SLC12A2: variants seen among roughly 807,000 people sequenced by gnomAD.
SLC12A2 encodes solute carrier family 12 member 2.
Under a neutral mutation model 136.3 loss-of-function variants are expected in SLC12A2, and 67 were observed. The observed-to-expected ratio is 0.49, with a 90% CI of 0.40 to 0.60. The LOEUF (loss-of-function observed/expected upper bound fraction) is 0.60, where lower values mean the gene tolerates loss of function less well. Among genes scored for constraint, SLC12A2 ranks in the 20% least tolerant of loss-of-function variants. SLC12A2 has a pLI of 0.00. For missense variants in SLC12A2, 1,322 were observed against 1,534.7 expected, an observed-to-expected ratio of 0.86 and a Z score of 2.32; for synonymous variants, 619 against 562.9, an observed-to-expected ratio of 1.10 and a Z score of -1.41.
chr5:128,155,649 T>C (rs373904484), intron 15 of SLC12A2, among the ~76,000 whole-genome samples: 4 of 152,310 alleles, frequency 2.6e-5, no homozygotes, highest in Admixed American at 6.5e-5. Context: ...TCTTACTGTT[T>C]ACTGTTTCTT....
chr5:128,137,494 C>T (rs964671243), intron 7 of SLC12A2, among the ~76,000 whole-genome samples: 1 of 152,174 alleles, frequency 6.6e-6, no homozygotes, highest in Non-Finnish European at 1.5e-5. Context: ...TCACAAATCC[C>T]TGTTTCCATC....
rs1762005789 is a variant in SLC12A2, at chr5:128,131,126, C to T, written c.1108C>T (p.Leu370=). 1.2e-6 allele frequency: 2 copies of T among 1,614,012 alleles called. No homozygotes were observed. Among genetic ancestry groups the T allele is most frequent in the Non-Finnish European group, 1.7e-6 (2 of 1,179,912 alleles). The change falls in exon 5 of 27, where the codon CTA becomes TTA. Residue 370 remains leucine, a synonymous_variant. Transcript: ENST00000262461. The part of the protein sequence containing the change: ...LGPEFGGAIG[L]IFAFANAVAV... ...GCCAGAATTTGGTGGTGCAATTGGT[C>T]TAATCTTCGCCTTTGCCAACGCTGT...
intron 1 of SLC12A2, among the ~76,000 whole-genome samples, chr5:128,089,836 TTG>T (rs1391533727): frequency 5.3e-5 from 8 of 152,320 alleles, no homozygotes; most frequent in African/African-American, 1.9e-4. Context: ...GTGGGCTGTG[TTG>T]ATGCCTAGTC....
intron 1 of SLC12A2, among the ~76,000 whole-genome samples, chr5:128,094,808 G>C (rs998315758): frequency 4.6e-5 from 7 of 151,914 alleles, no homozygotes; most frequent in African/African-American, 1.7e-4. Context: ...CCAGTAACTC[G>C]TAACTTGTGG....
intron 19 of SLC12A2, among the ~76,000 whole-genome samples, chr5:128,173,137 C>T (rs1218332719): frequency 1.3e-5 from 2 of 152,156 alleles, no homozygotes; most frequent in African/African-American, 4.8e-5. Flanking sequence ...TAAGAGGTAT[C>T]TGCTTCTGTA....
intron 16 of SLC12A2, among the ~76,000 whole-genome samples, chr5:128,158,764 T>C (rs1180333789): frequency 6.6e-6 from 1 of 152,168 alleles, no homozygotes; most frequent in Non-Finnish European, 1.5e-5. Context: ...TTTGAGTTCT[T>C]TGAGAAGGCC....
chr5:128,117,324 G>C (rs1449722310), intron 4 of SLC12A2, among the ~76,000 whole-genome samples: 2 of 152,104 alleles, frequency 1.3e-5, no homozygotes, highest in Non-Finnish European at 2.9e-5. Flanking sequence ...TGATTTGGAT[G>C]AAAATATATG....
In SLC12A2 at chr5:128,084,077, G is replaced by A; in HGVS notation, c.123G>A (p.Ser41=). Residue 41 remains serine (S), a synonymous_variant, in exon 1 of 27, where the codon TCG becomes TCA. Coordinates refer to ENST00000262461, the MANE Select transcript of SLC12A2 (RefSeq NM_001046.3). This position sits in a 1 kb window ranked among gnomAD's most constrained non-coding sequence, Gnocchi z 5.6. ...AACTGCCCGGCACGGCTGTGCCCTCGGTGCCGGAGGATGCTGCGCCCGCGA... is the reference window on the plus strand; with the variant it reads ...AACTGCCCGGCACGGCTGTGCCCTCAGTGCCGGAGGATGCTGCGCCCGCGA... ...RVELPGTAVP[S]VPEDAAPASR... The A allele has an allele frequency of 7.6e-7, 1 of 1,313,414 alleles. No homozygotes were observed. Among genetic ancestry groups the A allele is most frequent in the East Asian group, 3.2e-5 (1 of 31,488 alleles). The allele number at this position is 1,313,414 out of a possible 1,614,324, so 81.4% of individuals were successfully genotyped here.
At chr5:128,113,062 G>A in intron 2 of SLC12A2, 129 bp downstream of exon 2, 1 of 690,110 alleles carries the variant, frequency 1.4e-6, no homozygotes, top group Non-Finnish European at 2.2e-6. Context: ...TGAGTGCTGT[G>A]GAAAACCAAA....
At chr5:128,178,995 A>G (rs1485526676) in intron 22 of SLC12A2, among the ~76,000 whole-genome samples, 2 of 152,150 alleles carry the variant, frequency 1.3e-5, no homozygotes, top group Non-Finnish European at 2.9e-5. Context: ...AATTAGTTTT[A>G]GGTTATCTAC....
intron 1 of SLC12A2, among the ~76,000 whole-genome samples, chr5:128,101,747 A>G (rs371833552): frequency 4.6e-5 from 7 of 152,348 alleles, no homozygotes; most frequent in African/African-American, 1.4e-4. Flanking sequence ...TAAGGCAAAT[A>G]GGAAAGAGTT....
chr5:128,106,721 A>G (rs1166622697), intron 1 of SLC12A2, among the ~76,000 whole-genome samples: 1 of 152,178 alleles, frequency 6.6e-6, no homozygotes, highest in Non-Finnish European at 1.5e-5. Flanking sequence ...TGTATGTAGT[A>G]TGGTGGAGAG....
chr5:128,172,148 A>G (rs1220602043), intron 19 of SLC12A2, among the ~76,000 whole-genome samples: 1 of 152,220 alleles, frequency 6.6e-6, no homozygotes, highest in Non-Finnish European at 1.5e-5. Context: ...ATAGAAGCCT[A>G]AAGTTTGTCA....
At chr5:128,135,319 T>C (rs978065109) in intron 6 of SLC12A2, among the ~76,000 whole-genome samples, 1 of 152,060 alleles carries the variant, frequency 6.6e-6, no homozygotes, top group African/African-American at 2.4e-5. Context: ...GTGTCCAGCA[T>C]GTTCTCCATG....
At chr5:128,177,251 C>A in intron 21 of SLC12A2, 99 bp downstream of exon 21, 1 of 813,952 alleles carries the variant, frequency 1.2e-6, no homozygotes, top group South Asian at 1.8e-5. Context: ...TTTTTATTTC[C>A]ATGGTGAGGT....
intron 1 of SLC12A2, chr5:128,109,875 T>A: frequency 1.3e-6 from 1 of 788,704 alleles, no homozygotes. Context: ...AAAGAGCCAG[T>A]GTGCCATGAG....
rs762404743 is a variant in SLC12A2 at position 128,142,014 on chromosome 5, T to C, written c.1773+33T>C. 6 of 1,584,634 alleles carry C rather than the reference T, an allele frequency of 3.8e-6. No individual in the cohort carries two copies. The South Asian group carries it at 4.4e-5, about 12-fold the overall frequency. On this transcript the variant is annotated intron_variant, in intron 10 of 26. Coordinates refer to ENST00000262461, the MANE Select transcript of SLC12A2 (RefSeq NM_001046.3). ...TTGACTTTGTAATATACAGACATTC[T>C]GTATTTATCTAGGGGTGAGACTACT...
chr5:128,131,046 T>TG, intron 4 of SLC12A2, 21 bp from the exon 5 acceptor site: 1 of 1,593,208 alleles, frequency 6.3e-7, no homozygotes, highest in South Asian at 1.1e-5. Flanking sequence ...CTGTTTTTTT[T>TG]GTTTGTTTGT....
intron 16 of SLC12A2, among the ~76,000 whole-genome samples, chr5:128,160,625 A>T (rs529848983): frequency 6.6e-6 from 1 of 152,214 alleles, no homozygotes; most frequent in East Asian, 1.9e-4. Context: ...TTTAATCCGA[A>T]AGTAGTTTTT....
Sources: allele counts gnomAD v4.1 joint callset (sites outside exome capture counted in the v4.1 genomes callset), GRCh38; gene constraint gnomAD v4.1.1; non-coding constraint Gnocchi (gnomAD v3.1); transcripts MANE v1.5; gene names NCBI Gene and HGNC (gene_info 2026-07-23, HGNC 2026-07-21).